The following SLC4A1 variants were observed in gnomAD, a reference collection of about 807,000 sequenced individuals.
SLC4A1 encodes solute carrier family 4 member 1 (Diego blood group), also known as band 3 anion transport protein.
SLC4A1 carries 29 observed loss-of-function variants against 93.1 expected under a neutral mutation model. The observed-to-expected ratio is 0.31, with a 90% CI of 0.23 to 0.42. The LOEUF (loss-of-function observed/expected upper bound fraction) is 0.42. Ranked by LOEUF, SLC4A1 falls within the 20% of genes least tolerant of loss-of-function variation. The pLI is 1.00. For synonymous variants in SLC4A1, 469 were observed against 497.2 expected, an observed-to-expected ratio of 0.94 and a Z score of 0.76; for missense variants, 965 against 1,190.1, an observed-to-expected ratio of 0.81 and a Z score of 2.78.
rs1555596278 is a variant in SLC4A1, at chr17:44,258,171, C to T, written c.1097G>A (p.Gly366Glu). The change falls in exon 11 of 20, where the codon GGG becomes GAG. Residue 366 changes from glycine to glutamate, a missense_variant. Physicochemically the swap from Gly to Glu is moderately conservative, Grantham distance 98. Around this residue, in one of 2 missense-constraint regions of SLC4A1, gnomAD observed 770 missense variants for 1,006.6 expected, o/e 0.76. Coordinates refer to ENST00000262418, the MANE Select transcript of SLC4A1 (RefSeq NM_000342.4). The surrounding 1 kb of genome is among the most constrained non-coding windows in gnomAD (Gnocchi z 6.1). ...SSFYKGLDLN[G>E]GPDDPLQQTG... is the part of the protein sequence containing the mutation. ...CTGCTGCAGAGGGTCATCTGGGCCC[C>T]CATTTAAGTCTGTGGTGGAGGATAA... 1 of 1,613,916 alleles carries T rather than the reference C, an allele frequency of 6.2e-7. No individual in the cohort carries two copies.
intron 15 of SLC4A1, 53 bp from the exon 16 acceptor site, chr17:44,254,715 G>A (rs889302236): frequency 6.3e-7 from 1 of 1,578,956 alleles, no homozygotes; most frequent in African/African-American, 1.3e-5. Flanking sequence ...ATGGGGAAGG[G>A]TGGGAGCAGG....
chr17:44,254,747 C>G (rs539150676), intron 15 of SLC4A1, 85 bp from the exon 16 acceptor site: 2 of 1,348,598 alleles, frequency 1.5e-6, no homozygotes, highest in Non-Finnish European at 2.1e-6. Flanking sequence ...TCCTAGGGGT[C>G]GGGCAGTTAG....
chr17:44,261,967 T>G, intron 3 of SLC4A1: 1 of 1,213,048 alleles, frequency 8.2e-7, no homozygotes, highest in Non-Finnish European at 1.0e-6. Context: ...TTCAGGATCC[T>G]CCTAGGACCT....
chr17:44,250,729 G>A (rs764829137), intron 19 of SLC4A1, among the ~76,000 whole-genome samples, 191 bp from the exon 20 acceptor site: 6 of 152,296 alleles, frequency 3.9e-5, no homozygotes, highest in Middle Eastern at 3.4e-3. Context: ...AGGCAACCCC[G>A]GGGATGTGGA....
At position 44,253,098 on chromosome 17, in the gene SLC4A1, G is replaced by T; in HGVS notation, c.2311+20C>A. 2.5e-6 allele frequency: 4 copies of T among 1,606,706 alleles called. No individual in the cohort carries two copies. The highest frequency in any genetic ancestry group is 2.5e-6 in the Non-Finnish European group (3 of 1,179,896). ...TGAGGGGCAGGAGGATGGTGAAGAC[G>T]CGACCCAGCTTTCACTCACCCACAA... On this transcript the variant is annotated intron_variant, in intron 17 of 19. Coordinates refer to ENST00000262418, the MANE Select transcript of SLC4A1 (RefSeq NM_000342.4).
rs1396448966 is a variant in SLC4A1, at chr17:44,251,541, C to T, written c.2359G>A (p.Val787Ile). 18 of 1,614,098 alleles carry T rather than the reference C, an allele frequency of 1.1e-5. No homozygotes were observed. The highest frequency in any genetic ancestry group is 1.5e-5 in the Non-Finnish European group (18 of 1,180,024). The change falls in exon 18 of 20, where the codon GTA becomes ATA. Residue 787 changes from valine (V) to isoleucine (I), a missense_variant. By Grantham distance (29) the Val-to-Ile change is conservative. Transcript: ENST00000262418. The part of the protein sequence containing the change: ...EPILSRIPLA[V>I]LFGIFLYMGV... ...ATGTAGAGGAAGATGCCAAACAGTACAGCCAGGGGGATGCGGGACAGGATG... is the reference window on the plus strand; with the variant it reads ...ATGTAGAGGAAGATGCCAAACAGTATAGCCAGGGGGATGCGGGACAGGATG...
intron 14 of SLC4A1, 91 bp downstream of exon 14, chr17:44,255,582 G>T (rs2047381540): frequency 7.6e-7 from 1 of 1,308,414 alleles, no homozygotes. Context: ...AAAAAGAAGG[G>T]AAGCTAAGGG....
chr17:44,258,938 G>A lies in SLC4A1; in HGVS notation c.876+225C>T, dbSNP rs1192421627. On this transcript the variant is annotated intron_variant, in intron 9 of 19. Transcript: ENST00000262418. This position sits in a 1 kb window ranked among gnomAD's most constrained non-coding sequence, Gnocchi z 6.1. ...AGGTGGAACCAGGTCATAGTGAGCT[G>A]GACTAGACTAAGCCAGGCCAAAGCC... Among the ~76,000 whole-genome samples, 1 of 152,132 alleles carries A rather than the reference G, an allele frequency of 6.6e-6. No homozygotes were observed. The highest frequency in any genetic ancestry group is 1.5e-5 in the Non-Finnish European group (1 of 68,020).
At chr17:44,263,748 GCTTC>G (rs777917082) in intron 1 of SLC4A1, among the ~76,000 whole-genome samples, 3 of 117,564 alleles carry the variant, frequency 2.6e-5, no homozygotes, top group Non-Finnish European at 4.9e-5. Context: ...CTCCATCCCT[GCTTC>G]CTTCCTTCCT....
chr17:44,259,631 G>A, intron 7 of SLC4A1, 50 bp from the exon 8 acceptor site: 1 of 1,540,532 alleles, frequency 6.5e-7, no homozygotes, highest in Non-Finnish European at 9.0e-7. Flanking sequence ...TCTGACCTGG[G>A]AGACCTGAGC....
At chr17:44,254,404 G>A in intron 16 of SLC4A1, 92 bp downstream of exon 16, 1 of 1,216,886 alleles carries the variant, frequency 8.2e-7, no homozygotes, top group Non-Finnish European at 1.2e-6. Context: ...GGACTAGCTT[G>A]CAGTCCTGGG....
chr17:44,251,678 C>A, intron 17 of SLC4A1, 90 bp from the exon 18 acceptor site: 3 of 1,079,060 alleles, frequency 2.8e-6, no homozygotes, highest in Non-Finnish European at 4.2e-6. Context: ...GGGAATAAAA[C>A]ACAGGCACCA....
intron 16 of SLC4A1, among the ~76,000 whole-genome samples, chr17:44,253,916 C>T (rs889467601): frequency 1.3e-5 from 2 of 151,268 alleles, no homozygotes; most frequent in East Asian, 1.9e-4. Flanking sequence ...GTGATCCCCC[C>T]GTCTTGGCTT....
At chr17:44,259,406 TG>T in intron 8 of SLC4A1, 62 bp from the exon 9 acceptor site, 1 of 1,608,128 alleles carries the variant, frequency 6.2e-7, no homozygotes, top group Non-Finnish European at 8.5e-7. Context: ...GCTGAAGAGA[TG>T]GGGCTGCGGG....
chr17:44,261,156 C>T (rs1254314259), intron 4 of SLC4A1, among the ~76,000 whole-genome samples: 1 of 152,220 alleles, frequency 6.6e-6, no homozygotes, highest in Non-Finnish European at 1.5e-5. Context: ...TGTGCTTTAG[C>T]ATGTCCCTGA....
intron 17 of SLC4A1, 129 bp from the exon 18 acceptor site, chr17:44,251,717 TTTC>T (rs1164455382): frequency 5.3e-6 from 3 of 561,714 alleles, no homozygotes; most frequent in Non-Finnish European, 5.7e-6. Flanking sequence ...TTCCTTTTCT[TTTC>T]TTTTTTTTTT....
chr17:44,267,601 G>A (rs1440967625), intron 1 of SLC4A1, among the ~76,000 whole-genome samples: 2 of 152,324 alleles, frequency 1.3e-5, no homozygotes, highest in African/African-American at 2.4e-5. Context: ...CACGCTGGGC[G>A]TGGAGCCAGG....
chr17:44,253,121 C>A lies in SLC4A1; in HGVS notation c.2308G>T (p.Val770Leu), dbSNP rs757269124. The A allele has an allele frequency of 6.2e-7, 1 of 1,611,224 alleles. No homozygotes were observed. The highest frequency in any genetic ancestry group is 8.5e-7 in the Non-Finnish European group (1 of 1,180,000). Reference protein sequence around the residue: ...RISGLLVAVLVGLSILMEPIL... With the variant: ...RISGLLVAVLLGLSILMEPIL... The stretch of plus-strand genomic sequence containing the variant: ...ACGCGACCCAGCTTTCACTCACCCA[C>A]AAGCACAGCGACCAGGAGTCCACTG... The change falls in exon 17 of 20, where the codon GTG becomes TTG. Residue 770 changes from valine (V) to leucine (L), a missense_variant. Val to Leu is a conservative substitution (Grantham distance 32, BLOSUM62 1). Around this residue, in one of 2 missense-constraint regions of SLC4A1, gnomAD observed 770 missense variants for 1,006.6 expected, o/e 0.76. Transcript: ENST00000262418.
intron 6 of SLC4A1, 32 bp from the exon 7 acceptor site, chr17:44,259,964 A>G (rs375460756): frequency 9.3e-6 from 15 of 1,612,066 alleles, no homozygotes; most frequent in Non-Finnish European, 1.1e-5. Flanking sequence ...TGGGCTGAGT[A>G]AGCTGTTCAG....
Sources: gnomAD v4.1 joint callset for allele counts (sites outside exome capture counted in the v4.1 genomes callset) on GRCh38, gnomAD v4.1.1 for gene constraint, gnomAD v4.1.1 regional missense constraint, Gnocchi (gnomAD v3.1) non-coding constraint, MANE v1.5 for transcripts, NCBI Gene and HGNC (gene_info 2026-07-23, HGNC 2026-07-21) for gene names.